ARID1B: variants seen among roughly 807,000 people sequenced by gnomAD.
The protein encoded by ARID1B is AT-rich interactive domain-containing protein 1B.
In ARID1B, 30 loss-of-function variants were observed where a neutral mutation model predicts 212.3. The observed-to-expected ratio is 0.14, with a 90% CI of 0.11 to 0.19. The LOEUF is 0.19. ARID1B is among the 10% of genes least tolerant of loss of function. The pLI is 1.00. For missense variants in ARID1B, 2,891 were observed against 3,204.0 expected (o/e 0.90, Z 2.36); for synonymous variants, 1,402 against 1,301.7 (o/e 1.08, Z -1.66).
chr6:156,843,065 G>A (rs62435822), intron 2 of ARID1B, among the ~76,000 whole-genome samples: 9,409 of 152,258 alleles, frequency 0.062, 325 homozygotes, highest in Middle Eastern at 0.11. Flanking sequence ...TAGGGTAGTT[G>A]TTCTCTCATT....
chr6:156,947,514 T>C (rs1016637715), intron 4 of ARID1B, among the ~76,000 whole-genome samples: 7 of 152,022 alleles, frequency 4.6e-5, no homozygotes, highest in African/African-American at 1.7e-4. Context: ...TTGAAAGATA[T>C]CCCCTTTTAT....
chr6:156,823,727 C>T lies in ARID1B; in HGVS notation c.1792-5500C>T, dbSNP rs117726686. Among the ~76,000 whole-genome samples, 1,082 of 113,268 alleles carry T rather than the reference C, an allele frequency of 9.6e-3. 9 individuals are homozygous for T. The highest frequency in any genetic ancestry group is 0.02 in the East Asian group (80 of 3,924). The allele number at this position is 113,268 out of a possible 152,430, so 74.3% of individuals were successfully genotyped here. ...TTTTGTGAAGTGTTTTTCCAATTTGCGGTTGAAGGAATTGGGCTGAAAAAA... is the reference window on the plus strand; with the variant it reads ...TTTTGTGAAGTGTTTTTCCAATTTGTGGTTGAAGGAATTGGGCTGAAAAAA... On this transcript the variant is annotated intron_variant, in intron 1 of 19. Transcript: ENST00000636930.
chr6:156,789,427 C>T (rs1224992307), intron 1 of ARID1B, among the ~76,000 whole-genome samples: 2 of 152,202 alleles, frequency 1.3e-5, no homozygotes, highest in Admixed American at 1.3e-4. Context: ...GTGAAGAGCT[C>T]ACTGTGTGCC....
intron 9 of ARID1B, among the ~76,000 whole-genome samples, chr6:157,170,846 T>C (rs1791671886): frequency 6.6e-6 from 1 of 152,250 alleles, no homozygotes; most frequent in Non-Finnish European, 1.5e-5. Flanking sequence ...TCTTAGATCC[T>C]GTGTGTGTTA....
At chr6:156,845,990 TTTC>T (rs959580133) in intron 2 of ARID1B, among the ~76,000 whole-genome samples, 25 of 152,314 alleles carry the variant, frequency 1.6e-4, no homozygotes, top group Middle Eastern at 6.8e-3. Context: ...TCACCAAATT[TTTC>T]TTTTTTATAC....
intron 3 of ARID1B, among the ~76,000 whole-genome samples, chr6:156,902,878 G>T (rs1409642660): frequency 6.6e-6 from 1 of 151,474 alleles, no homozygotes; most frequent in Non-Finnish European, 1.5e-5. Flanking sequence ...TTTCTTTTTA[G>T]ATGAGCAAGG....
chr6:157,001,696 G>T (rs953537455), intron 4 of ARID1B, among the ~76,000 whole-genome samples: 1 of 152,196 alleles, frequency 6.6e-6, no homozygotes, highest in Non-Finnish European at 1.5e-5. Context: ...GAAAGTGGAA[G>T]TTTTTGTATT....
intron 1 of ARID1B, among the ~76,000 whole-genome samples, chr6:156,788,480 A>T (rs1324197550): frequency 6.6e-6 from 1 of 152,168 alleles, no homozygotes; most frequent in African/African-American, 2.4e-5. Context: ...TTCCTCTGTT[A>T]TACTTCCTAA....
intron 2 of ARID1B, among the ~76,000 whole-genome samples, chr6:156,877,559 C>G (rs1459582432): frequency 6.6e-6 from 1 of 152,118 alleles, no homozygotes. Context: ...GAATGTGTCC[C>G]CTGCTGAACT....
chr6:157,025,439 C>G (rs1372021641), intron 4 of ARID1B, among the ~76,000 whole-genome samples: 1 of 152,230 alleles, frequency 6.6e-6, no homozygotes, highest in Non-Finnish European at 1.5e-5. Flanking sequence ...GTTACCTTAA[C>G]AAGTTCCCCT....
At chr6:156,849,188 T>A (rs943803291) in intron 2 of ARID1B, among the ~76,000 whole-genome samples, 3 of 152,206 alleles carry the variant, frequency 2.0e-5, no homozygotes, top group Non-Finnish European at 2.9e-5. Flanking sequence ...TCTAAATTGT[T>A]GCCTCGATTC....
chr6:156,801,495 G>A (rs1365742552), intron 1 of ARID1B, among the ~76,000 whole-genome samples: 1 of 151,892 alleles, frequency 6.6e-6, no homozygotes, highest in Non-Finnish European at 1.5e-5. Flanking sequence ...CACCGCACCC[G>A]GCCTCATCAT....
intron 4 of ARID1B, chr6:156,940,086 T>C (rs1792553799): frequency 6.6e-6 from 1 of 152,250 alleles, no homozygotes. Context: ...CAGAGAGGCA[T>C]GCTGCTAGCT....
chr6:157,160,275 C>T (rs1000346966), intron 8 of ARID1B, among the ~76,000 whole-genome samples: 4 of 152,218 alleles, frequency 2.6e-5, no homozygotes, highest in African/African-American at 9.6e-5. Context: ...AAGCCAAACC[C>T]TGTCCACATG....
intron 3 of ARID1B, among the ~76,000 whole-genome samples, chr6:156,908,710 CTT>C (rs1789610099): frequency 6.6e-6 from 1 of 151,884 alleles, no homozygotes; most frequent in Non-Finnish European, 1.5e-5. Context: ...TTTTTGTTCT[CTT>C]TTAGTTCTAA....
chr6:156,982,268 A>G (rs2128380042), intron 4 of ARID1B, among the ~76,000 whole-genome samples: 1 of 152,306 alleles, frequency 6.6e-6, no homozygotes, highest in Middle Eastern at 3.4e-3. Context: ...AAAAGATAAA[A>G]GCTTCTGACT....
intron 2 of ARID1B, among the ~76,000 whole-genome samples, chr6:156,894,294 T>TGGGATGGGGGCCGGGGGGGTG (rs1390573780): frequency 3.3e-3 from 43 of 12,874 alleles, no homozygotes; most frequent in African/African-American, 5.4e-3. Flanking sequence ...GCCGGGGGGT[T>TGGGATGGGGGCCGGGGGGGTG]GGGATGGGGG....
intron 4 of ARID1B, among the ~76,000 whole-genome samples, chr6:157,051,781 C>T (rs997525031): frequency 4.6e-5 from 7 of 152,142 alleles, no homozygotes; most frequent in African/African-American, 1.7e-4. Flanking sequence ...AGTCCTCGTG[C>T]ACCACACTCT....
At chr6:156,907,992 T>C (rs1045924943) in intron 3 of ARID1B, among the ~76,000 whole-genome samples, 11 of 152,176 alleles carry the variant, frequency 7.2e-5, no homozygotes, top group Non-Finnish European at 1.3e-4. Flanking sequence ...CTCTGAATGT[T>C]TAGTAAAACT....
Sources: allele counts gnomAD v4.1 joint callset (sites outside exome capture counted in the v4.1 genomes callset), GRCh38; gene constraint gnomAD v4.1.1; transcripts MANE v1.5; gene names NCBI Gene and HGNC (gene_info 2026-07-23, HGNC 2026-07-21).